ELAPOR2: variants seen among roughly 807,000 people sequenced by gnomAD.
ELAPOR2 encodes endosome-lysosome associated apoptosis and autophagy regulator family member 2.
ELAPOR2 carries 89 observed loss-of-function variants against 120.7 expected under a neutral mutation model. The observed-to-expected ratio is 0.74, with a 90% CI of 0.62 to 0.88. The LOEUF is 0.88. ELAPOR2 is among the 40% of genes least tolerant of loss of function. ELAPOR2 has a pLI of 0.00. For missense variants in ELAPOR2, 1,134 were observed against 1,251.6 expected (o/e 0.91, Z 1.42); for synonymous variants, 444 against 444.9 (o/e 1.00, Z 0.03).
chr7:87,025,876 A>G (rs762099421), intron 1 of ELAPOR2, among the ~76,000 whole-genome samples: 25 of 152,138 alleles, frequency 1.6e-4, no homozygotes, highest in Non-Finnish European at 2.9e-4. Flanking sequence ...AAAATTGTCA[A>G]TTAGAAATGT....
intron 1 of ELAPOR2, among the ~76,000 whole-genome samples, chr7:87,040,797 A>G (rs1415181558): frequency 6.6e-6 from 1 of 152,256 alleles, no homozygotes; most frequent in African/African-American, 2.4e-5. Flanking sequence ...AGAAGGCTTC[A>G]GACAATCAAA....
chr7:86,903,892 T>G (rs964013647), intron 18 of ELAPOR2, among the ~76,000 whole-genome samples: 7 of 152,166 alleles, frequency 4.6e-5, no homozygotes, highest in African/African-American at 1.7e-4. Flanking sequence ...GATGACTCAT[T>G]TAAAAGAAGG....
chr7:86,925,676 T>C lies in ELAPOR2; in HGVS notation c.1271-20A>G, dbSNP rs1434793789. The stretch of plus-strand genomic sequence containing the variant: ...TACATTCTACAGGAGACAAGTAGGG[T>C]CAACAATTAAAATTAAACTGCATAT... On this transcript the variant is annotated intron_variant, in intron 9 of 21. Coordinates refer to ENST00000450689, the MANE Select transcript of ELAPOR2 (RefSeq NM_001142749.3). 6.2e-7 allele frequency: 1 copy of C among 1,609,372 alleles called. No individual in the cohort carries two copies. The highest frequency in any genetic ancestry group is 1.3e-5 in the African/African-American group (1 of 74,658).
At position 87,023,374 on chromosome 7, in the gene ELAPOR2, C is replaced by T. The variant is rs1030995107; in HGVS notation, c.189+35951G>A. Among the ~76,000 whole-genome samples, 7 of 152,028 alleles carry T rather than the reference C, an allele frequency of 4.6e-5. No individual in the cohort carries two copies. The South Asian group carries it at 6.2e-4, about 14-fold the overall frequency. The stretch of plus-strand genomic sequence containing the variant: ...AGGTTTGTCAAAGATCAGATAGTTG[C>T]AGATATGCGGCATTATTTCTGAGGG... On this transcript the variant is annotated intron_variant, in intron 1 of 21. Coordinates refer to ENST00000450689, the MANE Select transcript of ELAPOR2 (RefSeq NM_001142749.3).
intron 2 of ELAPOR2, among the ~76,000 whole-genome samples, chr7:86,952,182 TG>T (rs1179553931): frequency 6.6e-6 from 1 of 152,192 alleles, no homozygotes; most frequent in Non-Finnish European, 1.5e-5. Flanking sequence ...TGTATTAATT[TG>T]GGGGTTACAA....
chr7:86,932,943 ATTT>A (rs145574697), intron 8 of ELAPOR2, among the ~76,000 whole-genome samples: 14,238 of 151,796 alleles, frequency 0.094, 748 homozygotes, highest in African/African-American at 0.13. Flanking sequence ...TAATTATATC[ATTT>A]TTATCTTTAT....
Position 86,985,705 on chromosome 7 carries a change from T to C in ELAPOR2, c.190-20681A>G, listed in dbSNP as rs1368104928. On this transcript the variant is annotated intron_variant, in intron 1 of 21. Coordinates refer to ENST00000450689, the MANE Select transcript of ELAPOR2 (RefSeq NM_001142749.3). ...TTAATACTTTAAGTTTTAGGGTACA[T>C]GTGCATAACATGCAGGTTTGTTACA... Among the ~76,000 whole-genome samples, 4 of 152,282 alleles carry C rather than the reference T, an allele frequency of 2.6e-5. No homozygotes were observed. In the South Asian group the frequency reaches 6.2e-4, roughly 24 times the overall value.
intron 8 of ELAPOR2, among the ~76,000 whole-genome samples, chr7:86,930,744 T>C (rs1790289815): frequency 6.6e-6 from 1 of 151,878 alleles, no homozygotes; most frequent in Non-Finnish European, 1.5e-5. Flanking sequence ...GTTCCCTAAT[T>C]GAAAAAACAT....
chr7:86,921,951 T>C (rs1300311759), intron 10 of ELAPOR2, among the ~76,000 whole-genome samples: 2 of 152,124 alleles, frequency 1.3e-5, no homozygotes, highest in Non-Finnish European at 2.9e-5. Context: ...CATTTTATAA[T>C]GTAAAAAGAA....
At chr7:86,996,865 C>G (rs1793142155) in intron 1 of ELAPOR2, among the ~76,000 whole-genome samples, 1 of 152,176 alleles carries the variant, frequency 6.6e-6, no homozygotes, top group Non-Finnish European at 1.5e-5. Flanking sequence ...TAGATACATT[C>G]TGAAGGTAGA....
At chr7:86,900,764 C>G (rs1055469974) in intron 18 of ELAPOR2, among the ~76,000 whole-genome samples, 1 of 152,106 alleles carries the variant, frequency 6.6e-6, no homozygotes, top group Non-Finnish European at 1.5e-5. Context: ...TTAAATCAGT[C>G]CTTCCGTGTG....
intron 21 of ELAPOR2, among the ~76,000 whole-genome samples, chr7:86,881,105 G>A (rs1799377980): frequency 6.6e-6 from 1 of 151,960 alleles, no homozygotes; most frequent in Non-Finnish European, 1.5e-5. Flanking sequence ...TATCATTGCT[G>A]GCATTATATA....
At chr7:86,887,560 G>T (rs2115786819) in intron 21 of ELAPOR2, among the ~76,000 whole-genome samples, 1 of 152,176 alleles carries the variant, frequency 6.6e-6, no homozygotes. Context: ...TCAGTATAAA[G>T]TTGGTAGCTT....
intron 10 of ELAPOR2, among the ~76,000 whole-genome samples, chr7:86,922,872 T>C (rs1055181153): frequency 6.6e-6 from 1 of 151,970 alleles, no homozygotes; most frequent in African/African-American, 2.4e-5. Context: ...CAAATGAATA[T>C]ATTTTTAAAT....
At chr7:86,918,611 C>T in intron 11 of ELAPOR2, 67 bp from the exon 12 acceptor site, 2 of 1,029,500 alleles carry the variant, frequency 1.9e-6, no homozygotes, top group East Asian at 5.0e-5. Context: ...TAAAATTAAG[C>T]CACTATTTTT....
chr7:87,031,212 T>A (rs1302958253), intron 1 of ELAPOR2, among the ~76,000 whole-genome samples: 2 of 152,190 alleles, frequency 1.3e-5, no homozygotes, highest in Non-Finnish European at 2.9e-5. Flanking sequence ...AACTTTTTTC[T>A]TGCTCAAATG....
intron 1 of ELAPOR2, among the ~76,000 whole-genome samples, chr7:87,044,929 C>T (rs941541484): frequency 2.0e-4 from 30 of 147,740 alleles, no homozygotes; most frequent in African/African-American, 6.8e-4. Context: ...CAAACAACCC[C>T]ATCAAAAAGT....
intron 1 of ELAPOR2, among the ~76,000 whole-genome samples, chr7:87,031,720 G>C (rs1474523586): frequency 6.6e-6 from 1 of 152,114 alleles, no homozygotes; most frequent in Non-Finnish European, 1.5e-5. Context: ...AGTATTTAAT[G>C]ATCATAGATT....
intron 1 of ELAPOR2, among the ~76,000 whole-genome samples, chr7:87,007,564 A>C (rs1793524143): frequency 6.6e-6 from 1 of 152,220 alleles, no homozygotes; most frequent in African/African-American, 2.4e-5. Context: ...AGGGGAAAAA[A>C]GAACACTCAG....
Sources: gnomAD v4.1 joint callset for allele counts (sites outside exome capture counted in the v4.1 genomes callset) on GRCh38, gnomAD v4.1.1 for gene constraint, MANE v1.5 for transcripts, NCBI Gene and HGNC (gene_info 2026-07-23, HGNC 2026-07-21) for gene names.